GNG12: variants seen among roughly 807,000 people sequenced by gnomAD.
GNG12 encodes the protein G protein subunit gamma 12.
For synonymous variants in GNG12, 28 were observed against 29.7 expected (o/e 0.94, Z 0.19); for missense variants, 69 against 83.8 (o/e 0.82, Z 0.69).
At chr1:67,755,272 T>C (rs926681914) in intron 2 of GNG12, among the ~76,000 whole-genome samples, 1 of 152,224 alleles carries the variant, frequency 6.6e-6, no homozygotes, top group African/African-American at 2.4e-5. Context: ...TTATATGAGA[T>C]GGTAAGTTCC....
At chr1:67,754,986 T>C (rs115792357) in intron 2 of GNG12, among the ~76,000 whole-genome samples, 3,626 of 152,358 alleles carry the variant, frequency 0.024, 156 homozygotes, top group African/African-American at 0.083. Flanking sequence ...GAGTGTTTAG[T>C]GGTGGGCATG....
chr1:67,717,461 A>C (rs1646332521), intron 2 of GNG12, among the ~76,000 whole-genome samples: 1 of 151,104 alleles, frequency 6.6e-6, no homozygotes, highest in African/African-American at 2.4e-5. Flanking sequence ...GGTTGCAGTG[A>C]CCCAAGATTG....
At chr1:67,832,937 G>A (rs1318075299) in intron 1 of GNG12, among the ~76,000 whole-genome samples, 1 of 152,210 alleles carries the variant, frequency 6.6e-6, no homozygotes, top group Non-Finnish European at 1.5e-5. Flanking sequence ...CCAACCCGGC[G>A]CGGGGCGCAC....
intron 2 of GNG12, among the ~76,000 whole-genome samples, chr1:67,767,897 C>T (rs1361843028): frequency 1.3e-5 from 2 of 152,314 alleles, no homozygotes; most frequent in Non-Finnish European, 2.9e-5. Context: ...ATAGAAATGT[C>T]TTCATAAAAT....
intron 2 of GNG12, among the ~76,000 whole-genome samples, chr1:67,755,418 C>G (rs1386856619): frequency 2.0e-5 from 3 of 152,114 alleles, no homozygotes; most frequent in African/African-American, 7.2e-5. Flanking sequence ...TTGTTTTAGA[C>G]TGTGGTCTTT....
intron 2 of GNG12, among the ~76,000 whole-genome samples, chr1:67,770,636 C>G (rs1218689677): frequency 6.6e-6 from 1 of 152,104 alleles, no homozygotes; most frequent in Non-Finnish European, 1.5e-5. Flanking sequence ...AGGAGAGAAC[C>G]ACCCAAATCC....
chr1:67,808,939 T>C (rs954067845), intron 1 of GNG12, among the ~76,000 whole-genome samples: 11 of 152,100 alleles, frequency 7.2e-5, no homozygotes, highest in Admixed American at 2.0e-4. Context: ...ATAAACAAAC[T>C]GAATCTAAAG....
intron 2 of GNG12, among the ~76,000 whole-genome samples, chr1:67,708,913 A>G (rs1646265402): frequency 6.6e-6 from 1 of 152,198 alleles, no homozygotes; most frequent in East Asian, 1.9e-4. Flanking sequence ...TTCTGCCATA[A>G]AGGCCGAGAC....
At chr1:67,779,392 A>G (rs17130266) in intron 1 of GNG12, among the ~76,000 whole-genome samples, 12,567 of 152,156 alleles carry the variant, frequency 0.083, 640 homozygotes, top group African/African-American at 0.12. Context: ...GAACCTGCTG[A>G]AAATCCTTCC....
rs527706204 is a variant in GNG12, at chr1:67,730,512, C to A, written c.-26-22800G>T. 4.6e-5 allele frequency among the ~76,000 whole-genome samples: 7 copies of A among 151,830 alleles called. No individual in the cohort carries two copies. The South Asian group carries it at 1.5e-3, about 32-fold the overall frequency. On this transcript the variant is annotated intron_variant, in intron 2 of 3. Transcript: ENST00000370982. ...AGAGCAAGACGCCACCCCCCAACCG[C>A]CCCCGCACCGACCCCCGCCAAAAAA... is the stretch of plus-strand genomic sequence containing the variant.
chr1:67,749,476 G>A (rs1393261947), intron 2 of GNG12, among the ~76,000 whole-genome samples: 1 of 152,190 alleles, frequency 6.6e-6, no homozygotes, highest in Non-Finnish European at 1.5e-5. Context: ...ATCTTTTGAG[G>A]AGGAATGTCA....
intron 2 of GNG12, among the ~76,000 whole-genome samples, chr1:67,748,442 C>A (rs1054199104): frequency 9.2e-5 from 14 of 152,258 alleles, no homozygotes; most frequent in African/African-American, 3.4e-4. Context: ...ATGCATTTTT[C>A]TCTTCAGTGA....
intron 1 of GNG12, among the ~76,000 whole-genome samples, chr1:67,790,596 G>T (rs932172089): frequency 6.8e-6 from 1 of 147,620 alleles, no homozygotes; most frequent in Non-Finnish European, 1.5e-5. Flanking sequence ...GACTGCATAG[G>T]CCATAGTTTA....
intron 2 of GNG12, among the ~76,000 whole-genome samples, chr1:67,745,511 C>T (rs1646503023): frequency 6.6e-6 from 1 of 152,200 alleles, no homozygotes; most frequent in Non-Finnish European, 1.5e-5. Flanking sequence ...GTCTGGTTCT[C>T]CCACATACGA....
chr1:67,757,596 G>C (rs549049580), intron 2 of GNG12, among the ~76,000 whole-genome samples: 1 of 152,298 alleles, frequency 6.6e-6, no homozygotes, highest in South Asian at 2.1e-4. Context: ...TCACAAATGG[G>C]AGCCTTTCCA....
Position 67,833,415 on chromosome 1 carries a change from A to G in GNG12, c.-148T>C. The G allele has an allele frequency of 1.0e-6, 1 of 979,908 alleles. No individual in the cohort carries two copies. Among genetic ancestry groups the G allele is most frequent in the Non-Finnish European group, 1.2e-6 (1 of 828,612 alleles). 60.7% of individuals were successfully genotyped at this position (979,908 alleles called of 1,614,324 possible). ...CTAAGGGCTCCTGGAGACGGCTCCG[A>G]CCTCTCCTCCTCCTCCTCCTCTTGC... is the stretch of plus-strand genomic sequence containing the variant. On this transcript the variant is annotated 5_prime_UTR_variant, in exon 1 of 4. Transcript: ENST00000370982.
chr1:67,776,744 C>A (rs999941758), intron 2 of GNG12, among the ~76,000 whole-genome samples: 3 of 152,026 alleles, frequency 2.0e-5, no homozygotes, highest in Admixed American at 2.0e-4. Flanking sequence ...AATCACCAAC[C>A]CACAGAATGG....
chr1:67,731,230 A>G (rs1296589877), intron 2 of GNG12, among the ~76,000 whole-genome samples: 1 of 152,038 alleles, frequency 6.6e-6, no homozygotes, highest in Admixed American at 6.6e-5. Context: ...ACCAAAAATT[A>G]CCCCTTCGCT....
At chr1:67,768,755 G>C (rs1345136144) in intron 2 of GNG12, among the ~76,000 whole-genome samples, 1 of 152,170 alleles carries the variant, frequency 6.6e-6, no homozygotes, top group Non-Finnish European at 1.5e-5. Flanking sequence ...TTGAACTCTA[G>C]TCTATCTGCC....
Sources: allele counts gnomAD v4.1 joint callset (sites outside exome capture counted in the v4.1 genomes callset), GRCh38; gene constraint gnomAD v4.1.1; transcripts MANE v1.5; gene names NCBI Gene and HGNC (gene_info 2026-07-23, HGNC 2026-07-21).